Variants in LRP1B observed in about 807,000 individuals in gnomAD.
LRP1B encodes LDL receptor related protein 1B, also known as low-density lipoprotein receptor-related protein 1B.
LRP1B carries 217 observed loss-of-function variants against 556.6 expected under a neutral mutation model. The observed-to-expected ratio is 0.39, with a 90% CI of 0.35 to 0.44. LRP1B has a LOEUF of 0.44. LRP1B is among the 20% of genes least tolerant of loss of function. The probability of loss-of-function intolerance (pLI) is 1.00; values close to 1 mark genes in which losing one functional copy is unlikely to be tolerated. For synonymous variants in LRP1B, 2,047 were observed against 1,865.8 expected (o/e 1.10, Z -2.50); for missense variants, 5,053 against 5,620.8 (o/e 0.90, Z 3.23).
intron 1 of LRP1B, among the ~76,000 whole-genome samples, chr2:141,874,476 T>G (rs1204175436): frequency 6.6e-6 from 1 of 151,960 alleles, no homozygotes; most frequent in African/African-American, 2.4e-5. Flanking sequence ...CAAATATGAC[T>G]AATTATGATA....
At chr2:140,652,772 C>A (rs890302276) in intron 41 of LRP1B, among the ~76,000 whole-genome samples, 1 of 151,812 alleles carries the variant, frequency 6.6e-6, no homozygotes, top group East Asian at 1.9e-4. Flanking sequence ...CATGCCAATC[C>A]AACTAAAAAT....
intron 66 of LRP1B, among the ~76,000 whole-genome samples, chr2:140,389,594 A>T (rs1298516051): frequency 1.3e-5 from 2 of 150,748 alleles, no homozygotes; most frequent in Non-Finnish European, 3.0e-5. Flanking sequence ...TATACTGAAG[A>T]CTATAAAACA....
At chr2:141,733,325 G>A (rs1343048995) in intron 2 of LRP1B, among the ~76,000 whole-genome samples, 10 of 152,090 alleles carry the variant, frequency 6.6e-5, no homozygotes, top group African/African-American at 2.4e-4. Context: ...CTGTAAGTGT[G>A]TGCCCACAGA....
At chr2:140,930,981 C>A (rs1411858164) in intron 20 of LRP1B, among the ~76,000 whole-genome samples, 2 of 152,018 alleles carry the variant, frequency 1.3e-5, no homozygotes, top group Non-Finnish European at 2.9e-5. Context: ...TTAATATACC[C>A]CTAAGGAGTT....
intron 1 of LRP1B, among the ~76,000 whole-genome samples, chr2:141,908,929 G>T (rs1196915073): frequency 3.3e-5 from 5 of 152,096 alleles, no homozygotes; most frequent in African/African-American, 1.2e-4. Context: ...AAGAACATGA[G>T]ATCAGGGAGG....
chr2:141,492,990 A>T (rs1261237955), intron 2 of LRP1B, among the ~76,000 whole-genome samples: 1 of 152,204 alleles, frequency 6.6e-6, no homozygotes, highest in East Asian at 1.9e-4. Context: ...TAAAAGTAGC[A>T]TTAATAGGAT....
At chr2:141,774,765 T>C (rs1421848511) in intron 2 of LRP1B, among the ~76,000 whole-genome samples, 1 of 152,126 alleles carries the variant, frequency 6.6e-6, no homozygotes. Context: ...TAACCTTTCA[T>C]AGATCTTCCA....
chr2:141,954,518 T>A (rs1306749160), intron 1 of LRP1B, among the ~76,000 whole-genome samples: 2 of 152,134 alleles, frequency 1.3e-5, no homozygotes, highest in Admixed American at 6.6e-5. Flanking sequence ...CCAATGCTCA[T>A]TTTTAAAGTG....
At chr2:140,734,164 A>G (rs1391202339) in intron 35 of LRP1B, among the ~76,000 whole-genome samples, 2 of 152,236 alleles carry the variant, frequency 1.3e-5, no homozygotes, top group East Asian at 3.8e-4. Context: ...TGAACACACA[A>G]ATATAAATCA....
At chr2:140,288,451 T>A (rs1683248477) in intron 84 of LRP1B, among the ~76,000 whole-genome samples, 1 of 151,842 alleles carries the variant, frequency 6.6e-6, no homozygotes, top group Non-Finnish European at 1.5e-5. Context: ...ATTCCAAATT[T>A]GATATAAATA....
intron 30 of LRP1B, 55 bp from the exon 31 acceptor site, chr2:140,840,140 G>C: frequency 1.0e-6 from 1 of 972,874 alleles, no homozygotes; most frequent in Non-Finnish European, 1.6e-6. Context: ...TACTCACTGA[G>C]AAGAAATATA....
At chr2:140,857,288 G>A (rs1692649005) in intron 27 of LRP1B, among the ~76,000 whole-genome samples, 1 of 152,052 alleles carries the variant, frequency 6.6e-6, no homozygotes, top group Non-Finnish European at 1.5e-5. Context: ...CTCCCATGTA[G>A]TCATTTTTGA....
intron 72 of LRP1B, 32 bp downstream of exon 72, chr2:140,364,629 A>C (rs776566318): frequency 3.1e-6 from 5 of 1,602,602 alleles, no homozygotes; most frequent in Non-Finnish European, 2.6e-6. Flanking sequence ...AGAAGATAAA[A>C]GTATAATCTA....
rs548624150 is a variant in LRP1B, at chr2:141,724,721, G to A, written c.205+85558C>T. On this transcript the variant is annotated intron_variant, in intron 2 of 90. Transcript: ENST00000389484. ...CCATTAAATGGTGACAAGGTGGGGA[G>A]AAGGAAAGTAAAAATGATAACGAGA... Among the ~76,000 whole-genome samples, 21 of 152,010 alleles carry A rather than the reference G, an allele frequency of 1.4e-4. No homozygotes were observed. The East Asian group carries it at 3.9e-3, about 28-fold the overall frequency.
intron 7 of LRP1B, among the ~76,000 whole-genome samples, chr2:141,093,106 A>G (rs1157481579): frequency 1.3e-5 from 2 of 152,026 alleles, no homozygotes; most frequent in Non-Finnish European, 2.9e-5. Flanking sequence ...ATCTATGGGA[A>G]TGATAAATAG....
intron 7 of LRP1B, among the ~76,000 whole-genome samples, chr2:141,064,839 T>G (rs953600602): frequency 1.3e-5 from 2 of 151,944 alleles, no homozygotes; most frequent in African/African-American, 4.8e-5. Context: ...ATATTTAAAA[T>G]TCAACTATGT....
At chr2:140,695,687 G>A (rs190644945) in intron 41 of LRP1B, among the ~76,000 whole-genome samples, 1 of 152,270 alleles carries the variant, frequency 6.6e-6, no homozygotes, top group East Asian at 1.9e-4. Flanking sequence ...GCCTAAAAGT[G>A]TAGACTTTTA....
intron 7 of LRP1B, among the ~76,000 whole-genome samples, chr2:141,077,531 C>T (rs778438216): frequency 1.3e-5 from 2 of 152,146 alleles, no homozygotes; most frequent in Admixed American, 6.5e-5. Flanking sequence ...AAACACTAAT[C>T]TAGGTGCTGT....
chr2:141,759,708 G>A (rs1169393217), intron 2 of LRP1B, among the ~76,000 whole-genome samples: 2 of 152,128 alleles, frequency 1.3e-5, no homozygotes, highest in African/African-American at 2.4e-5. Context: ...AAATCAACAA[G>A]GTGGAAGAAA....
Sources: gnomAD v4.1 joint callset for allele counts (sites outside exome capture counted in the v4.1 genomes callset) on GRCh38, gnomAD v4.1.1 for gene constraint, MANE v1.5 for transcripts, NCBI Gene and HGNC (gene_info 2026-07-23, HGNC 2026-07-21) for gene names.